Variants in AP3D1 observed in about 807,000 individuals in gnomAD.
AP3D1 encodes the protein AP-3 complex subunit delta-1.
A neutral mutation model predicts 147.6 loss-of-function variants in AP3D1; 51 were observed. The observed-to-expected ratio is 0.35, with a 90% CI of 0.28 to 0.44. The LOEUF (loss-of-function observed/expected upper bound fraction) is 0.44. Ranked by LOEUF, AP3D1 falls within the 20% of genes least tolerant of loss-of-function variation. AP3D1 has a pLI of 1.00. For missense variants in AP3D1, 1,421 were observed against 1,624.2 expected (o/e 0.87, Z 2.15); for synonymous variants, 760 against 663.0 (o/e 1.15, Z -2.25).
At chr19:2,102,771 AT>A (rs778105625) in intron 31 of AP3D1, among the ~76,000 whole-genome samples, 25 of 148,552 alleles carry the variant, frequency 1.7e-4, no homozygotes, top group East Asian at 7.8e-4. Flanking sequence ...AAATAAATAA[AT>A]AAATAAATAA....
chr19:2,108,913 T>C, intron 30 of AP3D1, 147 bp from the exon 31 acceptor site: 2 of 1,292,398 alleles, frequency 1.5e-6, no homozygotes, highest in Non-Finnish European at 2.1e-6. Flanking sequence ...AGGCCTGGGG[T>C]GTGGGGAATG....
upstream of AP3D1, among the ~76,000 whole-genome samples, chr19:2,155,395 G>C (rs952064484): frequency 6.7e-6 from 1 of 149,328 alleles, no homozygotes; most frequent in East Asian, 2.0e-4. Context: ...AAATTAGCTG[G>C]GTGTGTCACA....
chr19:2,116,641 G>A lies in AP3D1; in HGVS notation c.1965C>T (p.His655=). The A allele has an allele frequency of 6.2e-7, 1 of 1,604,032 alleles. No individual in the cohort carries two copies. Among genetic ancestry groups the A allele is most frequent in the Non-Finnish European group, 8.5e-7 (1 of 1,175,710 alleles). ...CTTCCTCGTCCGCCTCCGACGGCCG[G>A]TGCTTGGGACGCCGCTGCTCCTCCT... The part of the protein sequence containing the change: ...FHEEEQRRPK[H]RPSEADEEEL... Residue 655 remains histidine, a synonymous_variant, in exon 17 of 32, where the codon CAC becomes CAT. Transcript: ENST00000643116.
At chr19:2,128,394 G>A (rs1310205260) in intron 8 of AP3D1, among the ~76,000 whole-genome samples, 6 of 152,090 alleles carry the variant, frequency 3.9e-5, no homozygotes, top group Admixed American at 6.5e-5. Context: ...GCTGCTTCAC[G>A]CCCAGCCCCC....
At chr19:2,117,931 G>T (rs930136440) in intron 15 of AP3D1, among the ~76,000 whole-genome samples, 1 of 152,254 alleles carries the variant, frequency 6.6e-6, no homozygotes, top group African/African-American at 2.4e-5. Context: ...AGGCTGTGGA[G>T]TGTGGATCAC....
intron 20 of AP3D1, 100 bp downstream of exon 20, chr19:2,115,119 A>C: frequency 7.8e-7 from 1 of 1,278,972 alleles, no homozygotes. Flanking sequence ...CATCCCAGCC[A>C]CCAACGAAGA....
intron 20 of AP3D1, 118 bp from the exon 21 acceptor site, chr19:2,114,939 C>A (rs1017416833): frequency 2.4e-5 from 28 of 1,156,258 alleles, no homozygotes; most frequent in Admixed American, 5.5e-5. Flanking sequence ...TGGGCAGTGA[C>A]GTGGCTCCAC....
rs929800666 is a variant in AP3D1 at position 2,111,956 on chromosome 19, A to G, written c.2788-128T>C. The G allele has an allele frequency of 8.4e-6, 12 of 1,431,300 alleles. No individual in the cohort carries two copies. In the African/African-American group the frequency reaches 8.4e-5, roughly 10 times the overall value. The allele number at this position is 1,431,300 out of a possible 1,614,324, so 88.7% of individuals were successfully genotyped here. On this transcript the variant is annotated intron_variant, in intron 24 of 31. Coordinates refer to ENST00000643116, the MANE Select transcript of AP3D1 (RefSeq NM_001261826.3). ...CCACGTGCCTGGGTGGGATGGCAGG[A>G]CCAGCCACGCCTCAGGCCTACCGGG...
At chr19:2,118,887 T>C in intron 14 of AP3D1, 55 bp from the exon 15 acceptor site, 2 of 1,530,454 alleles carry the variant, frequency 1.3e-6, no homozygotes, top group Non-Finnish European at 1.8e-6. Context: ...GGCTCCTCTC[T>C]AGCAGGTGAG....
intron 31 of AP3D1, among the ~76,000 whole-genome samples, chr19:2,107,584 C>A (rs904148867): frequency 6.6e-6 from 1 of 151,640 alleles, no homozygotes; most frequent in South Asian, 2.1e-4. Flanking sequence ...ACTAAAAATA[C>A]AAAAAATTAG....
chr19:2,129,396 G>A lies in AP3D1; in HGVS notation c.654C>T (p.Tyr218=). The A allele has an allele frequency of 6.2e-7, 1 of 1,614,128 alleles. No homozygotes were observed. Among genetic ancestry groups the A allele is most frequent in the Non-Finnish European group, 8.5e-7 (1 of 1,180,002 alleles). The change falls in exon 7 of 32, where the codon TAC becomes TAT. Residue 218 remains tyrosine, a synonymous_variant. Coordinates refer to ENST00000643116, the MANE Select transcript of AP3D1 (RefSeq NM_001261826.3). The part of the protein sequence containing the change: ...CELARRNPKN[Y]LSLAPLFFKL... ...TGAAAAAGAGCGGGGCCAGGGACAGGTAGTTCTTAGGGTTGCGTCTGGCCA... is the reference window on the plus strand; with the variant it reads ...TGAAAAAGAGCGGGGCCAGGGACAGATAGTTCTTAGGGTTGCGTCTGGCCA...
In AP3D1 at chr19:2,115,531, C is replaced by G; in HGVS notation, c.2149+7G>C. 1.2e-6 allele frequency: 2 copies of G among 1,612,980 alleles called. No individual in the cohort carries two copies. The highest frequency in any genetic ancestry group is 1.3e-5 in the African/African-American group (1 of 75,036). On this transcript the variant is annotated splice_region_variant and intron_variant, in intron 19 of 31. Coordinates refer to ENST00000643116, the MANE Select transcript of AP3D1 (RefSeq NM_001261826.3). ...AAATGCGGCGCCGACACACCGGAGA[C>G]ACTTGCCTGGAACCTTCAAGGGGAC...
chr19:2,136,048 T>A (rs2019068513), intron 4 of AP3D1, among the ~76,000 whole-genome samples: 1 of 145,216 alleles, frequency 6.9e-6, no homozygotes, highest in Admixed American at 6.8e-5. Context: ...CCCAGGCCCC[T>A]CCCGCTACAC....
rs777679207 is a variant in AP3D1 at position 2,123,415 on chromosome 19, A to G, written c.907-9T>C. 5 of 1,613,924 alleles carry G rather than the reference A, an allele frequency of 3.1e-6. No homozygotes were observed. In the South Asian group the frequency reaches 5.5e-5, roughly 18 times the overall value. ...AATTTCTGAACACAAAGCTGAAAAG[A>G]AGAAAAAAACGATGCTGGTTACATC... On this transcript the variant is annotated splice_polypyrimidine_tract_variant and intron_variant, in intron 10 of 31. Coordinates refer to ENST00000643116, the MANE Select transcript of AP3D1 (RefSeq NM_001261826.3).
At chr19:2,130,581 CA>C (rs760911340) in intron 5 of AP3D1, 44 bp from the exon 6 acceptor site, 18 of 1,607,502 alleles carry the variant, frequency 1.1e-5, no homozygotes, top group Middle Eastern at 1.7e-4. Context: ...TTCTGCGCCT[CA>C]TCCCTGCTCT....
chr19:2,132,116 T>C (rs2018967266), intron 5 of AP3D1, among the ~76,000 whole-genome samples: 1 of 149,894 alleles, frequency 6.7e-6, no homozygotes. Flanking sequence ...CAAGGAGGAG[T>C]CAAGCTGTGG....
At chr19:2,153,109 C>G (rs1250137760), upstream of AP3D1, among the ~76,000 whole-genome samples, 1 of 149,660 alleles carries the variant, frequency 6.7e-6, no homozygotes, top group Non-Finnish European at 1.5e-5. Context: ...CGCAGTGGTT[C>G]AAACCAGTAA....
intron 1 of AP3D1, among the ~76,000 whole-genome samples, chr19:2,159,747 C>T (rs2019680530): frequency 6.6e-6 from 1 of 150,722 alleles, no homozygotes; most frequent in Non-Finnish European, 1.5e-5. Flanking sequence ...GTCTCCCAGG[C>T]TGGAGTGCAG....
Position 2,120,927 on chromosome 19 carries a change from G to T in AP3D1, c.1416C>A (p.Ser472Arg). The T allele has an allele frequency of 6.2e-7, 1 of 1,611,794 alleles. No homozygotes were observed. Residue 472 changes from serine (S) to arginine (R), a missense_variant, in exon 14 of 32, where the codon AGC (serine) becomes AGA (arginine). Physicochemically the swap from Ser to Arg is moderately radical, Grantham distance 110. This residue lies in a region of AP3D1 where 310 missense variants were observed against 388.1 expected (regional missense o/e 0.80). Coordinates refer to ENST00000643116, the MANE Select transcript of AP3D1 (RefSeq NM_001261826.3). ...CCTCACAGATCCCGTTCCGCTGGGTGCTGCTGGCCAGCAGGTGTGCACTGT... is the reference window on the plus strand; with the variant it reads ...CCTCACAGATCCCGTTCCGCTGGGTTCTGCTGGCCAGCAGGTGTGCACTGT... ...LLDSAHLLAS[S>R]TQRNGICEVL...
Sources: gnomAD v4.1 joint callset for allele counts (sites outside exome capture counted in the v4.1 genomes callset) on GRCh38, gnomAD v4.1.1 for gene constraint, gnomAD v4.1.1 regional missense constraint, MANE v1.5 for transcripts, NCBI Gene and HGNC (gene_info 2026-07-23, HGNC 2026-07-21) for gene names.